SUSD1: variants seen among roughly 807,000 people sequenced by gnomAD.
The protein encoded by SUSD1 is sushi domain-containing protein 1.
Under a neutral mutation model 86.9 loss-of-function variants are expected in SUSD1, and 65 were observed. That is an observed-to-expected ratio of 0.75 (90% CI 0.61 to 0.92). SUSD1 has a LOEUF of 0.92. Among genes scored for constraint, SUSD1 ranks in the 40% least tolerant of loss-of-function variants. The probability of loss-of-function intolerance (pLI) is 0.00; values close to 1 mark genes in which losing one functional copy is unlikely to be tolerated. For synonymous variants in SUSD1, 346 were observed against 350.0 expected (o/e 0.99, Z 0.13); for missense variants, 850 against 929.7 (o/e 0.91, Z 1.11).
chr9:112,135,029 G>A (rs1241611213), intron 5 of SUSD1, among the ~76,000 whole-genome samples: 1 of 151,368 alleles, frequency 6.6e-6, no homozygotes, highest in Non-Finnish European at 1.5e-5. Flanking sequence ...TTGTGCCATT[G>A]CACTCCAGCC....
chr9:112,134,071 C>T (rs1832151517), intron 5 of SUSD1, among the ~76,000 whole-genome samples: 1 of 151,954 alleles, frequency 6.6e-6, no homozygotes, highest in South Asian at 2.1e-4. Flanking sequence ...ATAACAGATG[C>T]TGGTAAGGCT....
intron 2 of SUSD1, among the ~76,000 whole-genome samples, chr9:112,154,969 G>A (rs1211109579): frequency 6.6e-6 from 1 of 152,116 alleles, no homozygotes; most frequent in East Asian, 1.9e-4. Flanking sequence ...CAAAGGGCAG[G>A]GCCAGGTGCG....
At chr9:112,154,653 A>G (rs142129146) in intron 2 of SUSD1, among the ~76,000 whole-genome samples, 1 of 152,184 alleles carries the variant, frequency 6.6e-6, no homozygotes. Flanking sequence ...TTTTAGAAAC[A>G]AGTCCAGCTG....
intron 13 of SUSD1, among the ~76,000 whole-genome samples, chr9:112,061,854 G>A (rs150289437): frequency 6.6e-6 from 1 of 151,734 alleles, no homozygotes; most frequent in African/African-American, 2.4e-5. Context: ...GGTCAGCAGA[G>A]ACAAAGGCAA....
At chr9:112,125,467 T>C (rs1481670420) in intron 5 of SUSD1, among the ~76,000 whole-genome samples, 1 of 151,696 alleles carries the variant, frequency 6.6e-6, no homozygotes, top group Non-Finnish European at 1.5e-5. Flanking sequence ...CAAGAAAGTA[T>C]AATAACTATA....
At chr9:112,123,089 T>C (rs1403905127) in intron 6 of SUSD1, among the ~76,000 whole-genome samples, 1 of 152,150 alleles carries the variant, frequency 6.6e-6, no homozygotes, top group African/African-American at 2.4e-5. Flanking sequence ...TTAAAAATAG[T>C]TAAGATGGTG....
In SUSD1 at chr9:112,072,376, C is replaced by G. The variant is rs560537474; in HGVS notation, c.1753+6162G>C. Among the ~76,000 whole-genome samples, 48 of 151,910 alleles carry G rather than the reference C, an allele frequency of 3.2e-4. 1 individual carries two copies. In the South Asian group the frequency reaches 8.7e-3, roughly 28 times the overall value. On this transcript the variant is annotated intron_variant, in intron 12 of 16. Coordinates refer to ENST00000374270, the MANE Select transcript of SUSD1 (RefSeq NM_022486.5). ...GTTGGCCAGGCTGGTCTCGAACTCA[C>G]CCACCTCAGCTTCCAAAAGTGCTGG...
chr9:112,041,810 T>A lies in SUSD1; in HGVS notation c.2243+57A>T, dbSNP rs549918711. The A allele has an allele frequency of 2.0e-4, 306 of 1,542,488 alleles. 1 individual carries two copies. The South Asian group carries it at 3.3e-3, about 17-fold the overall frequency. ...CTCATCCCCAGCTGTTCTTCGTGAC[T>A]CTGACCCATCCTCCCCTCCATTCCA... is the stretch of plus-strand genomic sequence containing the variant. On this transcript the variant is annotated intron_variant, in intron 16 of 16. Transcript: ENST00000374270.
At chr9:112,122,201 C>T (rs1040030950) in intron 6 of SUSD1, among the ~76,000 whole-genome samples, 2 of 152,190 alleles carry the variant, frequency 1.3e-5, no homozygotes, top group South Asian at 2.1e-4. Context: ...GAGTCTCGCT[C>T]TATCCCCCAG....
chr9:112,106,905 A>G (rs1308392017), intron 8 of SUSD1, among the ~76,000 whole-genome samples: 3 of 151,368 alleles, frequency 2.0e-5, no homozygotes, highest in Admixed American at 6.6e-5. Flanking sequence ...ATACTATCTG[A>G]CTCACTGGAA....
chr9:112,043,179 G>A (rs3893894), intron 15 of SUSD1, among the ~76,000 whole-genome samples: 14,734 of 152,246 alleles, frequency 0.097, 936 homozygotes, highest in East Asian at 0.29. Context: ...TTAGCCATGA[G>A]ATTAGAAATT....
chr9:112,072,761 C>G (rs1829338867), intron 12 of SUSD1, among the ~76,000 whole-genome samples: 1 of 152,182 alleles, frequency 6.6e-6, no homozygotes, highest in East Asian at 1.9e-4. Context: ...CATGGAAGGG[C>G]AAACATGCCT....
Position 112,080,059 on chromosome 9 carries a change from C to A in SUSD1, c.1566+15G>T. The A allele has an allele frequency of 6.3e-7, 1 of 1,587,810 alleles. No homozygotes were observed. Among genetic ancestry groups the A allele is most frequent in the Non-Finnish European group, 8.6e-7 (1 of 1,156,410 alleles). On this transcript the variant is annotated intron_variant, in intron 11 of 16. Transcript: ENST00000374270. ...AGACAACCATCTATAAATACAGTAA[C>A]TTTCAGTCACTTACTAAATACATCT...
intron 1 of SUSD1, among the ~76,000 whole-genome samples, chr9:112,164,458 G>C (rs1833694291): frequency 6.6e-6 from 1 of 151,436 alleles, no homozygotes; most frequent in African/African-American, 2.4e-5. Context: ...GAGGCAGGAG[G>C]GTTGCTTGAG....
At chr9:112,074,158 G>A (rs1829409670) in intron 12 of SUSD1, among the ~76,000 whole-genome samples, 1 of 152,200 alleles carries the variant, frequency 6.6e-6, no homozygotes, top group African/African-American at 2.4e-5. Flanking sequence ...GGAGGTTGCA[G>A]TGAGCTCAGA....
At chr9:112,112,999 G>A in intron 6 of SUSD1, 131 bp from the exon 7 acceptor site, 1 of 630,938 alleles carries the variant, frequency 1.6e-6, no homozygotes, top group Admixed American at 2.4e-5. Context: ...CAGACACTGA[G>A]TCAGGCAATG....
intron 1 of SUSD1, among the ~76,000 whole-genome samples, chr9:112,164,901 A>G (rs1833714223): frequency 6.6e-6 from 1 of 152,174 alleles, no homozygotes; most frequent in Non-Finnish European, 1.5e-5. Flanking sequence ...CCGAGATTGC[A>G]CCACTGGCAC....
intron 13 of SUSD1, 88 bp from the exon 14 acceptor site, chr9:112,058,774 C>G: frequency 6.6e-7 from 1 of 1,504,488 alleles, no homozygotes; most frequent in African/African-American, 1.4e-5. Context: ...TGCTATGAGA[C>G]AAACCTCTTT....
chr9:112,144,745 A>G (rs535956090), intron 3 of SUSD1, among the ~76,000 whole-genome samples: 2 of 152,346 alleles, frequency 1.3e-5, no homozygotes, highest in South Asian at 4.1e-4. Context: ...GAAAGGTCTT[A>G]CTAATTTTAT....
Sources: gnomAD v4.1 joint callset for allele counts (sites outside exome capture counted in the v4.1 genomes callset) on GRCh38, gnomAD v4.1.1 for gene constraint, MANE v1.5 for transcripts, NCBI Gene and HGNC (gene_info 2026-07-23, HGNC 2026-07-21) for gene names.